Variants in CNTNAP5 observed in about 807,000 individuals in gnomAD.
CNTNAP5 encodes the protein contactin associated protein family member 5, also known as contactin-associated protein-like 5.
In CNTNAP5, 72 loss-of-function variants were observed where a neutral mutation model predicts 150.2. The observed-to-expected ratio is 0.48, with a 90% CI of 0.40 to 0.58. The LOEUF (loss-of-function observed/expected upper bound fraction) is 0.58. Among genes scored for constraint, CNTNAP5 ranks in the 20% least tolerant of loss-of-function variants. CNTNAP5 has a pLI of 0.00. For synonymous variants in CNTNAP5, 672 were observed against 619.8 expected (o/e 1.08, Z -1.25); for missense variants, 1,636 against 1,626.2 (o/e 1.01, Z -0.10).
intron 3 of CNTNAP5, among the ~76,000 whole-genome samples, chr2:124,326,105 G>A (rs1689209431): frequency 6.6e-6 from 1 of 152,216 alleles, no homozygotes; most frequent in Non-Finnish European, 1.5e-5. Context: ...GTGGAGTGCA[G>A]CCACGGGAGA....
chr2:124,639,428 A>G (rs1356282848), intron 12 of CNTNAP5, among the ~76,000 whole-genome samples: 1 of 152,118 alleles, frequency 6.6e-6, no homozygotes, highest in East Asian at 1.9e-4. Context: ...GCTCCATGAG[A>G]GCAGAGTAAG....
At chr2:124,040,336 G>A (rs934367777) in intron 1 of CNTNAP5, among the ~76,000 whole-genome samples, 13 of 152,044 alleles carry the variant, frequency 8.6e-5, no homozygotes, top group African/African-American at 3.1e-4. Context: ...TTGGATTAGT[G>A]AGCACCTTGG....
At chr2:124,262,999 A>C (rs1268310149) in intron 3 of CNTNAP5, among the ~76,000 whole-genome samples, 1 of 152,108 alleles carries the variant, frequency 6.6e-6, no homozygotes, top group Non-Finnish European at 1.5e-5. Flanking sequence ...TTATGGCTAC[A>C]TAGTATTCCA....
intron 1 of CNTNAP5, among the ~76,000 whole-genome samples, chr2:124,119,538 C>T (rs1471205841): frequency 1.3e-5 from 2 of 151,750 alleles, no homozygotes; most frequent in Non-Finnish European, 2.9e-5. Flanking sequence ...TGGGACTGAC[C>T]GATAGTAATT....
chr2:124,079,007 T>C (rs1682500394), intron 1 of CNTNAP5, among the ~76,000 whole-genome samples: 1 of 152,168 alleles, frequency 6.6e-6, no homozygotes, highest in Non-Finnish European at 1.5e-5. Context: ...TCAAAATGCA[T>C]GGTGTTGGAT....
intron 3 of CNTNAP5, among the ~76,000 whole-genome samples, chr2:124,327,569 T>C (rs780280443): frequency 6.6e-6 from 1 of 152,344 alleles, no homozygotes; most frequent in Non-Finnish European, 1.5e-5. Context: ...CTATTCTCTC[T>C]GAAGTCTGCT....
In CNTNAP5 at chr2:124,124,671, G is replaced by A. The variant is rs1047410499; in HGVS notation, c.83-97034G>A. On this transcript the variant is annotated intron_variant, in intron 1 of 23. Coordinates refer to ENST00000682447, the MANE Select transcript of CNTNAP5 (RefSeq NM_001367498.1). Reference sequence around the variant, plus strand: ...TTAAGGGCAGCCAGAGAGAAAGGTCGGGTTACCCACAAAGGGAAGCCCATC... The same window carrying A: ...TTAAGGGCAGCCAGAGAGAAAGGTCAGGTTACCCACAAAGGGAAGCCCATC... Among the ~76,000 whole-genome samples, 43 of 152,078 alleles carry A rather than the reference G, an allele frequency of 2.8e-4. 1 individual carries two copies. The highest frequency in any genetic ancestry group is 4.6e-4 in the Non-Finnish European group (31 of 68,020).
At chr2:124,890,443 A>T (rs1678170940) in intron 21 of CNTNAP5, among the ~76,000 whole-genome samples, 1 of 152,052 alleles carries the variant, frequency 6.6e-6, no homozygotes, top group Non-Finnish European at 1.5e-5. Flanking sequence ...CTCGTTGTCC[A>T]GTGCTGGTTG....
At chr2:124,638,471 C>CT (rs1448430013) in intron 12 of CNTNAP5, among the ~76,000 whole-genome samples, 9 of 151,808 alleles carry the variant, frequency 5.9e-5, no homozygotes, top group Non-Finnish European at 1.3e-4. Context: ...TAACTTTTTT[C>CT]TTTTTTATAG....
Position 124,178,528 on chromosome 2 carries a change from A to T in CNTNAP5, c.83-43177A>T, listed in dbSNP as rs1573814372. On this transcript the variant is annotated intron_variant, in intron 1 of 23. Transcript: ENST00000682447. ...CCTACATGCTGAGATCTCCCATAGT[A>T]ATTTCAATGTTTTTGTTTAATGTTT... is the stretch of plus-strand genomic sequence containing the variant. 3.9e-5 allele frequency among the ~76,000 whole-genome samples: 6 copies of T among 152,270 alleles called. No homozygotes were observed. The South Asian group carries it at 1.2e-3, about 32-fold the overall frequency.
intron 13 of CNTNAP5, among the ~76,000 whole-genome samples, chr2:124,694,552 T>C (rs1679365736): frequency 6.6e-6 from 1 of 152,192 alleles, no homozygotes; most frequent in Admixed American, 6.6e-5. Context: ...TTATAATACA[T>C]GTAAACACAT....
chr2:124,119,094 C>T (rs1056025964), intron 1 of CNTNAP5, among the ~76,000 whole-genome samples: 1 of 152,100 alleles, frequency 6.6e-6, no homozygotes, highest in African/African-American at 2.4e-5. Context: ...CTCTCACAAG[C>T]GAGTCTTTGT....
In CNTNAP5 at chr2:124,245,359, T is replaced by TC. The variant is rs554561584; in HGVS notation, c.381+2966_381+2967insC. On this transcript the variant is annotated intron_variant, in intron 3 of 23. Transcript: ENST00000682447. ...GGATTAAAGAGATTATCTTGAGAGC[T>TC]TTTCTTTTTACTTTTTATTTTTAAT... Among the ~76,000 whole-genome samples, 22 of 152,254 alleles carry TC rather than the reference T, an allele frequency of 1.4e-4. 1 individual carries two copies. In the South Asian group the frequency reaches 4.6e-3, roughly 32 times the overall value.
chr2:124,261,968 G>T (rs1441450930), intron 3 of CNTNAP5, among the ~76,000 whole-genome samples: 7 of 152,162 alleles, frequency 4.6e-5, no homozygotes, highest in Admixed American at 2.6e-4. Context: ...ACCACAGCTG[G>T]TTCGGTGGCT....
At chr2:124,304,507 C>A (rs1210540579) in intron 3 of CNTNAP5, among the ~76,000 whole-genome samples, 7 of 146,948 alleles carry the variant, frequency 4.8e-5, no homozygotes, top group African/African-American at 1.9e-4. Flanking sequence ...TTTCTGATGG[C>A]AATGATAAGT....
At chr2:124,120,070 G>C (rs1683525005) in intron 1 of CNTNAP5, among the ~76,000 whole-genome samples, 1 of 152,220 alleles carries the variant, frequency 6.6e-6, no homozygotes, top group Admixed American at 6.5e-5. Flanking sequence ...CTACTGTGCA[G>C]ACAGGTTTGA....
chr2:124,749,828 C>T (rs954306750), intron 14 of CNTNAP5, among the ~76,000 whole-genome samples: 18 of 152,262 alleles, frequency 1.2e-4, no homozygotes, highest in African/African-American at 4.1e-4. Flanking sequence ...TCTCCTCTTA[C>T]TTGGGAACAA....
chr2:124,177,406 C>T (rs1685094272), intron 1 of CNTNAP5, among the ~76,000 whole-genome samples: 1 of 152,078 alleles, frequency 6.6e-6, no homozygotes, highest in Non-Finnish European at 1.5e-5. Flanking sequence ...TCCAAAACAA[C>T]TTCTGGGTTC....
intron 3 of CNTNAP5, among the ~76,000 whole-genome samples, chr2:124,263,283 T>G (rs1445205182): frequency 6.6e-6 from 1 of 152,184 alleles, no homozygotes; most frequent in African/African-American, 2.4e-5. Flanking sequence ...AAAGTGTTCC[T>G]ATTTCTCCAC....
Sources: allele counts gnomAD v4.1 joint callset (sites outside exome capture counted in the v4.1 genomes callset), GRCh38; gene constraint gnomAD v4.1.1; transcripts MANE v1.5; gene names NCBI Gene and HGNC (gene_info 2026-07-23, HGNC 2026-07-21).